Variants in FNDC1 observed in about 807,000 individuals in gnomAD.
FNDC1 encodes the protein fibronectin type III domain-containing protein 1.
In FNDC1, 96 loss-of-function variants were observed where a neutral mutation model predicts 168.0. That is an observed-to-expected ratio of 0.57 (90% confidence interval 0.48 to 0.68). The LOEUF (loss-of-function observed/expected upper bound fraction) is 0.68. FNDC1 is among the 30% of genes least tolerant of loss of function. The pLI, the probability that FNDC1 is intolerant of heterozygous loss-of-function variation, is 0.00. For synonymous variants in FNDC1, 1,099 were observed against 1,025.9 expected (o/e 1.07, Z -1.36); for missense variants, 2,587 against 2,482.1 (o/e 1.04, Z -0.90).
In FNDC1 at chr6:159,200,033, A is replaced by C. The variant is rs764162401; in HGVS notation, c.342A>C (p.Glu114Asp). 3 of 1,606,780 alleles carry C rather than the reference A, an allele frequency of 1.9e-6. No homozygotes were observed. Among genetic ancestry groups the C allele is most frequent in the Admixed American group, 3.4e-5 (2 of 59,230 alleles). The part of the protein sequence containing the change: ...GVVYFVLLTA[E>D]NHSGVSRPVY... ...TGTACTTTGTGCTGCTTACTGCAGA[A>C]AACCACAGTGGAGTGAGCCGTCCTG... Residue 114 changes from glutamate (E) to aspartate (D), a missense_variant, in exon 3 of 23, where the codon GAA (glutamate) becomes GAC (aspartate). Glu to Asp is a conservative substitution (Grantham distance 45). Transcript: ENST00000297267.
Position 159,264,998 on chromosome 6 carries a change from C to G in FNDC1, c.5278C>G (p.Pro1760Ala). 1 of 1,605,444 alleles carries G rather than the reference C, an allele frequency of 6.2e-7. No homozygotes were observed. The highest frequency in any genetic ancestry group is 8.5e-7 in the Non-Finnish European group (1 of 1,174,908). ...AGATAATCCTCTGCTTGTTGTGAGG[C>G]CCCCAGGTAAGTTTATGTTCTTGAT... Reference protein sequence around the residue: ...ESDNPLLVVRPPGGEPIWIPF... With the variant: ...ESDNPLLVVRAPGGEPIWIPF... The change falls in exon 20 of 23, where the codon CCC becomes GCC. Residue 1760 changes from proline to alanine, a missense_variant. Transcript: ENST00000297267.
At chr6:159,175,155 A>G (rs1282350555) in intron 1 of FNDC1, among the ~76,000 whole-genome samples, 5 of 151,958 alleles carry the variant, frequency 3.3e-5, no homozygotes, top group Non-Finnish European at 1.5e-5. Context: ...AATCTACATA[A>G]TTCTATTTTC....
At chr6:159,269,257 C>CACCT (rs1554229874) in intron 22 of FNDC1, among the ~76,000 whole-genome samples, 2 of 42,624 alleles carry the variant, frequency 4.7e-5, no homozygotes, top group African/African-American at 1.6e-4. Context: ...ATCCATCTAT[C>CACCT]ATCTATCTAT....
rs376921026 is a variant in FNDC1, at chr6:159,268,887, ATAAC to A, written c.5569+964_5569+967del. ...ATCCATACTGTCTATCCTTATATTT[ATAAC>A]TATCTATCCATCCATCTGTTCATCT... On this transcript the variant is annotated intron_variant, in intron 22 of 22. Coordinates refer to ENST00000297267, the MANE Select transcript of FNDC1 (RefSeq NM_032532.3). Among the ~76,000 whole-genome samples the A allele has an allele frequency of 1.2e-3, 178 of 149,236 alleles. 4 individuals are homozygous for A. The highest frequency in any genetic ancestry group is 4.2e-3 in the African/African-American group (169 of 39,870).
intron 4 of FNDC1, among the ~76,000 whole-genome samples, chr6:159,202,200 T>C (rs1016550713): frequency 6.6e-6 from 1 of 152,136 alleles, no homozygotes; most frequent in East Asian, 1.9e-4. Context: ...ACTTGAAGCA[T>C]GTAATATAAA....
intron 21 of FNDC1, among the ~76,000 whole-genome samples, chr6:159,267,147 A>G (rs1431589629): frequency 6.6e-6 from 1 of 152,146 alleles, no homozygotes; most frequent in Non-Finnish European, 1.5e-5. Flanking sequence ...CTATCAAAAC[A>G]AAGTCCCTCC....
intron 11 of FNDC1, 80 bp downstream of exon 11, chr6:159,234,559 T>C: frequency 2.2e-6 from 3 of 1,370,274 alleles, no homozygotes; most frequent in Non-Finnish European, 2.0e-6. Flanking sequence ...TTTATTCTAT[T>C]GCATTTAGCA....
intron 1 of FNDC1, among the ~76,000 whole-genome samples, chr6:159,175,339 G>C (rs1335822173): frequency 1.3e-5 from 2 of 152,154 alleles, no homozygotes; most frequent in African/African-American, 4.8e-5. Flanking sequence ...GGTCAGAGAG[G>C]TTAACTGGTT....
At chr6:159,266,027 G>A (rs1777585389) in intron 20 of FNDC1, 57 bp from the exon 21 acceptor site, 1 of 1,579,752 alleles carries the variant, frequency 6.3e-7, no homozygotes, top group South Asian at 1.1e-5. Context: ...GGCACTTTGT[G>A]TGAGAAGACA....
Position 159,232,957 on chromosome 6 carries a change from A to G in FNDC1, c.2445A>G (p.Gly815=), listed in dbSNP as rs1394686799. 6.2e-7 allele frequency: 1 copy of G among 1,611,234 alleles called. No individual in the cohort carries two copies. Among genetic ancestry groups the G allele is most frequent in the Admixed American group, 1.7e-5 (1 of 59,866 alleles). ...AQTLRARPAS[G]HFHLLRHKPF... The stretch of plus-strand genomic sequence containing the variant: ...CGCTGCGGGCCCGGCCTGCCTCTGG[A>G]CACTTCCATTTGCTCAGACACAAAC... The change falls in exon 11 of 23, where the codon GGA becomes GGG. Residue 815 remains glycine, a synonymous_variant. Coordinates refer to ENST00000297267, the MANE Select transcript of FNDC1 (RefSeq NM_032532.3). The surrounding 1 kb of genome is among the most constrained non-coding windows in gnomAD (Gnocchi z 4.9).
intron 1 of FNDC1, among the ~76,000 whole-genome samples, chr6:159,183,199 T>C (rs1205236415): frequency 6.6e-6 from 1 of 152,206 alleles, no homozygotes; most frequent in Admixed American, 6.5e-5. Flanking sequence ...AAGTTTGATA[T>C]TTGTAGAGAG....
At chr6:159,189,318 C>T (rs1782078251) in intron 1 of FNDC1, among the ~76,000 whole-genome samples, 1 of 152,178 alleles carries the variant, frequency 6.6e-6, no homozygotes, top group Admixed American at 6.5e-5. Flanking sequence ...GATTCTTCCT[C>T]CACAGCCTCG....
chr6:159,271,722 C>G lies in FNDC1; in HGVS notation c.*280C>G. The G allele has an allele frequency of 3.5e-6, 1 of 283,136 alleles. No homozygotes were observed. Among genetic ancestry groups the G allele is most frequent in the East Asian group, 8.9e-5 (1 of 11,296 alleles). 17.5% of individuals were successfully genotyped at this position (283,136 alleles called of 1,614,324 possible). On this transcript the variant is annotated 3_prime_UTR_variant, in exon 23 of 23. Coordinates refer to ENST00000297267, the MANE Select transcript of FNDC1 (RefSeq NM_032532.3). ...TCCCAGAGACATCAGAAACCAGCAACTGATTCAGTGTGATTTCCAGACTTT... is the reference window on the plus strand; with the variant it reads ...TCCCAGAGACATCAGAAACCAGCAAGTGATTCAGTGTGATTTCCAGACTTT...
At chr6:159,187,814 C>T (rs1002314871) in intron 1 of FNDC1, among the ~76,000 whole-genome samples, 9 of 152,082 alleles carry the variant, frequency 5.9e-5, no homozygotes, top group African/African-American at 2.2e-4. Flanking sequence ...TGTTGTCAAC[C>T]CTCTGATGTT....
intron 13 of FNDC1, among the ~76,000 whole-genome samples, chr6:159,239,109 T>C (rs773241407): frequency 1.4e-4 from 22 of 152,250 alleles, no homozygotes; most frequent in Admixed American, 6.5e-5. Context: ...ACTCACTTAA[T>C]TATGCACTGT....
chr6:159,248,841 C>T (rs1051616006), intron 15 of FNDC1, among the ~76,000 whole-genome samples, 198 bp from the exon 16 acceptor site: 1 of 152,032 alleles, frequency 6.6e-6, no homozygotes, highest in Non-Finnish European at 1.5e-5. Context: ...TCTGCAGGGA[C>T]AGAAATGGGA....
intron 4 of FNDC1, among the ~76,000 whole-genome samples, chr6:159,205,957 G>T (rs1411775667): frequency 6.6e-6 from 1 of 152,248 alleles, no homozygotes; most frequent in Non-Finnish European, 1.5e-5. Flanking sequence ...CTCATCCCCA[G>T]TGATAATGCT....
At chr6:159,173,066 C>T (rs578150621) in intron 1 of FNDC1, among the ~76,000 whole-genome samples, 4 of 152,224 alleles carry the variant, frequency 2.6e-5, no homozygotes, top group East Asian at 3.9e-4. Flanking sequence ...TACATATTTT[C>T]GTTTTAATTC....
chr6:159,269,597 GTCTATCTATCTATCTATCTATCTA>G (rs201581423), intron 22 of FNDC1, among the ~76,000 whole-genome samples: 33 of 123,950 alleles, frequency 2.7e-4, no homozygotes, highest in East Asian at 1.3e-3. Flanking sequence ...CTGTCTGTCT[GTCTATCTATCTATCTATCTATCTA>G]TCTATCTATC....
Sources: gnomAD v4.1 joint callset for allele counts (sites outside exome capture counted in the v4.1 genomes callset) on GRCh38, gnomAD v4.1.1 for gene constraint, Gnocchi (gnomAD v3.1) non-coding constraint, MANE v1.5 for transcripts, NCBI Gene and HGNC (gene_info 2026-07-23, HGNC 2026-07-21) for gene names.